TBC1D23: variants seen among roughly 807,000 people sequenced by gnomAD.
TBC1D23 encodes the protein TBC1 domain family member 23.
TBC1D23 carries 55 observed loss-of-function variants against 91.4 expected under a neutral mutation model. The observed-to-expected ratio is 0.60, with a 90% CI of 0.48 to 0.75. TBC1D23 has a LOEUF of 0.75. Ranked by LOEUF, TBC1D23 falls within the 30% of genes least tolerant of loss-of-function variation. The pLI is 0.00. For synonymous variants in TBC1D23, 289 were observed against 281.0 expected (o/e 1.03, Z -0.28); for missense variants, 725 against 836.1 (o/e 0.87, Z 1.64).
intron 1 of TBC1D23, among the ~76,000 whole-genome samples, chr3:100,274,071 G>T (rs920978504): frequency 1.3e-5 from 2 of 152,082 alleles, no homozygotes; most frequent in Non-Finnish European, 2.9e-5. Context: ...TGGAATTGTG[G>T]TTGGTTTTTA....
intron 10 of TBC1D23, among the ~76,000 whole-genome samples, chr3:100,300,606 A>G (rs778921219): frequency 5.4e-5 from 8 of 148,054 alleles, no homozygotes; most frequent in Non-Finnish European, 1.0e-4. Flanking sequence ...GGTTCTGGCG[A>G]TTCCCTAGCC....
intron 4 of TBC1D23, among the ~76,000 whole-genome samples, chr3:100,287,540 C>T (rs767359727): frequency 5.6e-4 from 85 of 152,282 alleles, no homozygotes; most frequent in Admixed American, 1.8e-3. Flanking sequence ...CCTTAGCATT[C>T]TTTTGCCTTG....
intron 1 of TBC1D23, among the ~76,000 whole-genome samples, chr3:100,266,424 A>T (rs1324051623): frequency 2.0e-5 from 3 of 152,060 alleles, no homozygotes; most frequent in African/African-American, 7.2e-5. Flanking sequence ...ATGTGCCACC[A>T]TGCCCGGCTA....
At chr3:100,280,595 T>C (rs2067685949) in intron 2 of TBC1D23, among the ~76,000 whole-genome samples, 1 of 152,254 alleles carries the variant, frequency 6.6e-6, no homozygotes, top group South Asian at 2.1e-4. Context: ...CTTACCTTTT[T>C]ACCTTTTTGC....
chr3:100,323,751 G>A lies in TBC1D23; in HGVS notation c.*83G>A. 1 of 570,764 alleles carries A rather than the reference G, an allele frequency of 1.8e-6. No homozygotes were observed. The highest frequency in any genetic ancestry group is 2.7e-6 in the Non-Finnish European group (1 of 373,176). 35.4% of individuals were successfully genotyped at this position (570,764 alleles called of 1,614,324 possible). On this transcript the variant is annotated 3_prime_UTR_variant, in exon 19 of 19. Transcript: ENST00000394144. ...ACCTCCTGACTGAATACTAACTGGA[G>A]ACCTTTCATTTGCTCATGGGGCTGC...
intron 3 of TBC1D23, among the ~76,000 whole-genome samples, chr3:100,282,173 G>A (rs1285332432): frequency 6.6e-6 from 1 of 152,120 alleles, no homozygotes; most frequent in Non-Finnish European, 1.5e-5. Context: ...TTAGCCAGGT[G>A]TGGTGGTGGG....
chr3:100,264,504 T>G lies in TBC1D23; in HGVS notation c.53+3433T>G, dbSNP rs576737110. ...GTCTCTGTCCTCAGGGAATTTATGT[T>G]CTAGATACAGGAGGCATGTTTGAGA... On this transcript the variant is annotated intron_variant, in intron 1 of 18. Transcript: ENST00000394144. 4.6e-5 allele frequency among the ~76,000 whole-genome samples: 7 copies of G among 152,340 alleles called. No individual in the cohort carries two copies. In the South Asian group the frequency reaches 1.2e-3, roughly 27 times the overall value.
intron 16 of TBC1D23, among the ~76,000 whole-genome samples, chr3:100,317,174 G>A (rs557646021): frequency 6.6e-6 from 1 of 152,110 alleles, no homozygotes; most frequent in Non-Finnish European, 1.5e-5. Context: ...GTTAATATGT[G>A]TATTGAGTTA....
At chr3:100,283,420 T>C (rs561495204) in intron 3 of TBC1D23, among the ~76,000 whole-genome samples, 187 bp from the exon 4 acceptor site, 1 of 152,232 alleles carries the variant, frequency 6.6e-6, no homozygotes, top group Non-Finnish European at 1.5e-5. Flanking sequence ...GTGTTTTCCT[T>C]GGGTTTTGGA....
At chr3:100,265,942 G>GA (rs528426918) in intron 1 of TBC1D23, among the ~76,000 whole-genome samples, 57 of 152,068 alleles carry the variant, frequency 3.7e-4, no homozygotes, top group Admixed American at 9.8e-4. Context: ...TGAAATATGA[G>GA]AAAAAACTTA....
At chr3:100,267,359 G>A in intron 1 of TBC1D23, 1 of 314,706 alleles carries the variant, frequency 3.2e-6, no homozygotes. Context: ...TGTTTCAAGG[G>A]TCTGCGTAAC....
chr3:100,283,986 T>C lies in TBC1D23; in HGVS notation c.476+175T>C, dbSNP rs1052475953. The C allele has an allele frequency of 1.3e-5, 7 of 543,388 alleles. No individual in the cohort carries two copies. The Admixed American group carries it at 2.3e-4, about 18-fold the overall frequency. The allele number at this position is 543,388 out of a possible 1,614,324, so 33.7% of individuals were successfully genotyped here. On this transcript the variant is annotated intron_variant, in intron 4 of 18. Coordinates refer to ENST00000394144, the MANE Select transcript of TBC1D23 (RefSeq NM_001199198.3). ...GTGGTTATAAACATTTTTTAAAAGATTCTTTAGTTAAAAATGTATACTTCT... is the reference window on the plus strand; with the variant it reads ...GTGGTTATAAACATTTTTTAAAAGACTCTTTAGTTAAAAATGTATACTTCT...
intron 4 of TBC1D23, among the ~76,000 whole-genome samples, chr3:100,284,968 G>A (rs562426857): frequency 6.6e-4 from 101 of 152,178 alleles, no homozygotes; most frequent in African/African-American, 2.1e-3. Flanking sequence ...GTGGAGAACC[G>A]CTAATCTGGA....
intron 15 of TBC1D23, among the ~76,000 whole-genome samples, chr3:100,315,249 G>C (rs548806220): frequency 7.4e-6 from 1 of 135,520 alleles, no homozygotes; most frequent in South Asian, 2.3e-4. Flanking sequence ...CGCAACCTCT[G>C]CCTCCCGGGT....
intron 11 of TBC1D23, among the ~76,000 whole-genome samples, chr3:100,302,989 T>C (rs1217036714): frequency 1.3e-5 from 2 of 152,260 alleles, no homozygotes; most frequent in Non-Finnish European, 2.9e-5. Context: ...AATAAATACA[T>C]ATGCATATTC....
At chr3:100,285,226 T>G (rs1025192178) in intron 4 of TBC1D23, among the ~76,000 whole-genome samples, 7 of 152,182 alleles carry the variant, frequency 4.6e-5, no homozygotes, top group Admixed American at 2.6e-4. Flanking sequence ...CCACAACCAA[T>G]TTTAGAACAT....
intron 5 of TBC1D23, among the ~76,000 whole-genome samples, chr3:100,291,245 A>G (rs2067787426): frequency 6.6e-6 from 1 of 152,142 alleles, no homozygotes; most frequent in African/African-American, 2.4e-5. Context: ...GACCCTTTAC[A>G]CTCTTAAAAT....
At chr3:100,281,137 G>A (rs2067690661) in intron 2 of TBC1D23, among the ~76,000 whole-genome samples, 1 of 152,142 alleles carries the variant, frequency 6.6e-6, no homozygotes, top group Non-Finnish European at 1.5e-5. Flanking sequence ...GCTCCAGCCT[G>A]AGCAAGAGAG....
chr3:100,296,405 A>ATT (rs5851199), intron 8 of TBC1D23, 130 bp downstream of exon 8: 21 of 474,566 alleles, frequency 4.4e-5, no homozygotes, highest in South Asian at 7.2e-5. Flanking sequence ...GTTTTGTGTG[A>ATT]TTTTTTTTTT....
Sources: gnomAD v4.1 joint callset for allele counts (sites outside exome capture counted in the v4.1 genomes callset) on GRCh38, gnomAD v4.1.1 for gene constraint, MANE v1.5 for transcripts, NCBI Gene and HGNC (gene_info 2026-07-23, HGNC 2026-07-21) for gene names.